Variants in BRMS1 observed in about 807,000 individuals in gnomAD.
BRMS1 encodes the protein breast cancer metastasis-suppressor 1.
A neutral mutation model predicts 40.4 loss-of-function variants in BRMS1; 26 were observed. The ratio of observed to expected loss-of-function variants is 0.64; its 90% CI spans 0.47 to 0.89. The LOEUF (loss-of-function observed/expected upper bound fraction) is 0.89. BRMS1 is among the 40% of genes least tolerant of loss of function. The pLI is 0.00. For synonymous variants in BRMS1, 103 were observed against 116.0 expected (o/e 0.89, Z 0.72); for missense variants, 289 against 309.4 (o/e 0.93, Z 0.49).
chr11:66,341,103 G>A lies in BRMS1; in HGVS notation c.359-57C>T, dbSNP rs3132760. On this transcript the variant is annotated intron_variant, in intron 4 of 9. Coordinates refer to ENST00000359957, the MANE Select transcript of BRMS1 (RefSeq NM_015399.4). The surrounding 1 kb of genome is among the most constrained non-coding windows in gnomAD (Gnocchi z 4.9). The stretch of plus-strand genomic sequence containing the variant: ...GCTGGGGAGCCCGGTGCCCACATAG[G>A]AGGGCTGAGAGCAAAGGGCAAGGCC... The A allele has an allele frequency of 3.4e-5, 55 of 1,612,102 alleles. No homozygotes were observed. In the Admixed American group the frequency reaches 4.5e-4, roughly 13 times the overall value.
Position 66,337,829 on chromosome 11 carries a change from C to A in BRMS1, c.*53G>T, listed in dbSNP as rs747178716. On this transcript the variant is annotated 3_prime_UTR_variant, in exon 10 of 10. Coordinates refer to ENST00000359957, the MANE Select transcript of BRMS1 (RefSeq NM_015399.4). ...CTGTCTGCAGGAGGAAGACGAGAATCCTGGGTGCAGTGCCAGCTGCTCTGA... is the reference window on the plus strand; with the variant it reads ...CTGTCTGCAGGAGGAAGACGAGAATACTGGGTGCAGTGCCAGCTGCTCTGA... The A allele has an allele frequency of 6.2e-7, 1 of 1,614,210 alleles. No individual in the cohort carries two copies. Among genetic ancestry groups the A allele is most frequent in the South Asian group, 1.1e-5 (1 of 91,090 alleles).
chr11:66,338,389 C>A lies in BRMS1; in HGVS notation c.694-107G>T, dbSNP rs3819097. On this transcript the variant is annotated intron_variant, in intron 8 of 9. Transcript: ENST00000359957. The stretch of plus-strand genomic sequence containing the variant: ...TGTGGGCTGTTGCCTCAGTGCTGTG[C>A]CCCCAGGACCGGGAGCATAGGCCCC... The A allele has an allele frequency of 5.6e-4, 862 of 1,535,354 alleles. 10 individuals are homozygous for A. In the East Asian group the frequency reaches 0.02, roughly 36 times the overall value.
chr11:66,340,381 GC>G (rs971642825), intron 6 of BRMS1, among the ~76,000 whole-genome samples, 168 bp from the exon 7 acceptor site: 1 of 152,160 alleles, frequency 6.6e-6, no homozygotes, highest in African/African-American at 2.4e-5. Context: ...TGCCTGCACA[GC>G]TGCACAACCC....
chr11:66,341,218 T>C lies in BRMS1; in HGVS notation c.346A>G (p.Ile116Val), dbSNP rs1444163017. The change falls in exon 4 of 10, where the codon ATT (isoleucine) becomes GTT (valine). Residue 116 changes from isoleucine (I) to valine (V), a missense_variant. Physicochemically the swap from Ile to Val is conservative, Grantham distance 29. Transcript: ENST00000359957. This position sits in a 1 kb window ranked among gnomAD's most constrained non-coding sequence, Gnocchi z 4.9. ...ACCACCCACAGACCTGCCACCTGAA[T>C]GCGAATCTTGAGGCTCCGCTGCAGC... is the stretch of plus-strand genomic sequence containing the variant. Reference protein sequence around the residue: ...GGLQRSLKIRIQVAGIYKGFC... With the variant: ...GGLQRSLKIRVQVAGIYKGFC... 2.5e-6 allele frequency: 4 copies of C among 1,612,030 alleles called. No individual in the cohort carries two copies. The highest frequency in any genetic ancestry group is 3.4e-6 in the Non-Finnish European group (4 of 1,178,488).
intron 1 of BRMS1, among the ~76,000 whole-genome samples, chr11:66,343,786 G>A (rs1030432598): frequency 6.6e-6 from 1 of 152,210 alleles, no homozygotes; most frequent in Non-Finnish European, 1.5e-5. Flanking sequence ...TGTGCGATCA[G>A]AAGACGCCCA....
Position 66,341,178 on chromosome 11 carries a change from G to C in BRMS1, c.358+28C>G, listed in dbSNP as rs1352645582. 3 of 1,611,242 alleles carry C rather than the reference G, an allele frequency of 1.9e-6. No individual in the cohort carries two copies. The highest frequency in any genetic ancestry group is 2.5e-6 in the Non-Finnish European group (3 of 1,177,906). On this transcript the variant is annotated intron_variant, in intron 4 of 9. Transcript: ENST00000359957. The surrounding 1 kb of genome is among the most constrained non-coding windows in gnomAD (Gnocchi z 4.9). ...ACAGGGTGCCACGGGTTCTGGGAGG[G>C]GAAGAGGGTACAGAACCACCCACAG...
rs1289736372 is a variant in BRMS1 at position 66,341,875 on chromosome 11, T to G, written c.139+221A>C. 1 of 671,290 alleles carries G rather than the reference T, an allele frequency of 1.5e-6. No individual in the cohort carries two copies. The highest frequency in any genetic ancestry group is 2.2e-5 in the Admixed American group (1 of 45,188). The allele number at this position is 671,290 out of a possible 1,614,324, so 41.6% of individuals were successfully genotyped here. On this transcript the variant is annotated intron_variant, in intron 2 of 9. Coordinates refer to ENST00000359957, the MANE Select transcript of BRMS1 (RefSeq NM_015399.4). The surrounding 1 kb of genome is among the most constrained non-coding windows in gnomAD (Gnocchi z 4.9). ...CGTGTACTTGTGTGAAGGGGCTGTG[T>G]GTGTGCATACGTGCTTGTGTGTAGG...
chr11:66,341,415 G>A lies in BRMS1; in HGVS notation c.231-82C>T. ...ACACATACCCAGCACCCATTCCACA[G>A]CAAGCCCGGTGTTAGGCGCGCACTT... On this transcript the variant is annotated intron_variant, in intron 3 of 9. Transcript: ENST00000359957. This position sits in a 1 kb window ranked among gnomAD's most constrained non-coding sequence, Gnocchi z 4.9. 6.2e-7 allele frequency: 1 copy of A among 1,602,702 alleles called. No individual in the cohort carries two copies. The highest frequency in any genetic ancestry group is 8.5e-7 in the Non-Finnish European group (1 of 1,171,836).
chr11:66,341,959 G>A lies in BRMS1; in HGVS notation c.139+137C>T, dbSNP rs1407590764. On this transcript the variant is annotated intron_variant, in intron 2 of 9. Transcript: ENST00000359957. The surrounding 1 kb of genome is among the most constrained non-coding windows in gnomAD (Gnocchi z 4.9). ...GTGTGCGTGTGTGCGCTTGTGTGCAGGGTCTGTGTATGTGCTTGTGTGTAG... is the reference window on the plus strand; with the variant it reads ...GTGTGCGTGTGTGCGCTTGTGTGCAAGGTCTGTGTATGTGCTTGTGTGTAG... 6.5e-5 allele frequency: 62 copies of A among 951,618 alleles called. No individual in the cohort carries two copies. Among genetic ancestry groups the A allele is most frequent in the Non-Finnish European group, 9.4e-5 (60 of 636,096 alleles). The allele number at this position is 951,618 out of a possible 1,614,324, so 58.9% of individuals were successfully genotyped here.
chr11:66,341,177 G>A lies in BRMS1; in HGVS notation c.358+29C>T. 6.2e-7 allele frequency: 1 copy of A among 1,611,184 alleles called. No individual in the cohort carries two copies. On this transcript the variant is annotated intron_variant, in intron 4 of 9. Transcript: ENST00000359957. This position sits in a 1 kb window ranked among gnomAD's most constrained non-coding sequence, Gnocchi z 4.9. The stretch of plus-strand genomic sequence containing the variant: ...GACAGGGTGCCACGGGTTCTGGGAG[G>A]GGAAGAGGGTACAGAACCACCCACA...
In BRMS1 at chr11:66,337,375, G is replaced by A; in HGVS notation, c.*507C>T. On this transcript the variant is annotated 3_prime_UTR_variant, in exon 10 of 10. Transcript: ENST00000359957. The stretch of plus-strand genomic sequence containing the variant: ...GTTTTAATTCCAGTCCTTGGAATCT[G>A]AGAAGCAGACACCAAGAACTGCCCT... 1 of 396,506 alleles carries A rather than the reference G, an allele frequency of 2.5e-6. No individual in the cohort carries two copies. The highest frequency in any genetic ancestry group is 4.6e-6 in the Non-Finnish European group (1 of 217,444). The allele number at this position is 396,506 out of a possible 1,614,324, so 24.6% of individuals were successfully genotyped here.
intron 1 of BRMS1, among the ~76,000 whole-genome samples, chr11:66,343,323 T>C (rs1199197091): frequency 1.3e-5 from 2 of 152,368 alleles, no homozygotes; most frequent in Admixed American, 6.5e-5. Context: ...CTGGTAAGCA[T>C]TCCTTCTTTT....
Position 66,345,071 on chromosome 11 carries a change from G to A in BRMS1, c.-107C>T, listed in dbSNP as rs956518080. The A allele has an allele frequency of 1.3e-5, 2 of 152,256 alleles. No homozygotes were observed. The highest frequency in any genetic ancestry group is 2.9e-5 in the Non-Finnish European group (2 of 68,056). 9.4% of individuals were successfully genotyped at this position (152,256 alleles called of 1,614,324 possible). On this transcript the variant is annotated 5_prime_UTR_variant, in exon 1 of 10. Coordinates refer to ENST00000359957, the MANE Select transcript of BRMS1 (RefSeq NM_015399.4). ...GCCGCCGGACTCCCGTAGGCGCTGC[G>A]CGGCTCCCTTTTCTTCGGGAGGCAG...
chr11:66,341,269 G>C lies in BRMS1; in HGVS notation c.295C>G (p.Pro99Ala). 3 of 1,613,662 alleles carry C rather than the reference G, an allele frequency of 1.9e-6. No homozygotes were observed. The highest frequency in any genetic ancestry group is 2.5e-6 in the Non-Finnish European group (3 of 1,179,810). Residue 99 changes from proline to alanine, a missense_variant, in exon 4 of 10, where the codon CCT (proline) becomes GCT (alanine). Physicochemically the swap from Pro to Ala is conservative, Grantham distance 27. Coordinates refer to ENST00000359957, the MANE Select transcript of BRMS1 (RefSeq NM_015399.4). This position sits in a 1 kb window ranked among gnomAD's most constrained non-coding sequence, Gnocchi z 4.9. ...CCCCCAAGGGGCTCCGTGTATTCAGGGGCTCTCTCAGCCCCCACTTCCTCC... is the reference window on the plus strand; with the variant it reads ...CCCCCAAGGGGCTCCGTGTATTCAGCGGCTCTCTCAGCCCCCACTTCCTCC... The part of the protein sequence containing the change: ...RLEEVGAERA[P>A]EYTEPLGGLQ...
At chr11:66,338,442 C>A in intron 8 of BRMS1, 160 bp from the exon 9 acceptor site, 2 of 1,512,582 alleles carry the variant, frequency 1.3e-6, no homozygotes, top group Non-Finnish European at 1.8e-6. Flanking sequence ...ATGCTCCTGA[C>A]TGCTGGCCAG....
intron 8 of BRMS1, 92 bp downstream of exon 8, chr11:66,338,629 C>G: frequency 6.2e-7 from 1 of 1,603,324 alleles, no homozygotes; most frequent in Non-Finnish European, 8.5e-7. Context: ...CCTTGGTGAG[C>G]AGAGAACTCC....
Position 66,343,203 on chromosome 11 carries a change from C to T in BRMS1, c.-7-962G>A, listed in dbSNP as rs952266811. ...CTTTCACCTCCCACTTGTTCGATGTCCTCAATCTCAGCTGAAACTGATCCC... is the reference window on the plus strand; with the variant it reads ...CTTTCACCTCCCACTTGTTCGATGTTCTCAATCTCAGCTGAAACTGATCCC... On this transcript the variant is annotated intron_variant, in intron 1 of 9. Transcript: ENST00000359957. Among the ~76,000 whole-genome samples, 7 of 152,236 alleles carry T rather than the reference C, an allele frequency of 4.6e-5. 1 individual carries two copies. Among genetic ancestry groups the T allele is most frequent in the African/African-American group, 1.2e-4 (5 of 41,446 alleles).
chr11:66,337,802 G>C lies in BRMS1; in HGVS notation c.*80C>G, dbSNP rs371968957. ...CAGACCCTGAGGGGCCTGTGGGTCC[G>C]CCTGTCTGCAGGAGGAAGACGAGAA... On this transcript the variant is annotated 3_prime_UTR_variant, in exon 10 of 10. Coordinates refer to ENST00000359957, the MANE Select transcript of BRMS1 (RefSeq NM_015399.4). 6.2e-7 allele frequency: 1 copy of C among 1,614,028 alleles called. No individual in the cohort carries two copies. The highest frequency in any genetic ancestry group is 1.1e-5 in the South Asian group (1 of 91,082).
At chr11:66,339,618 C>A (rs1855021393) in intron 7 of BRMS1, among the ~76,000 whole-genome samples, 1 of 152,202 alleles carries the variant, frequency 6.6e-6, no homozygotes, top group Non-Finnish European at 1.5e-5. Context: ...GATGGAAAGG[C>A]CTCAAAGGCC....
Sources: allele counts gnomAD v4.1 joint callset (sites outside exome capture counted in the v4.1 genomes callset), GRCh38; gene constraint gnomAD v4.1.1; non-coding constraint Gnocchi (gnomAD v3.1); transcripts MANE v1.5; gene names NCBI Gene and HGNC (gene_info 2026-07-23, HGNC 2026-07-21).